MED23: variants seen among roughly 807,000 people sequenced by gnomAD.
MED23 encodes the protein mediator of RNA polymerase II transcription subunit 23.
A neutral mutation model predicts 163.9 loss-of-function variants in MED23; 105 were observed. The ratio of observed to expected loss-of-function variants is 0.64; its 90% CI spans 0.55 to 0.75. The LOEUF (loss-of-function observed/expected upper bound fraction) is 0.75. MED23 is among the 30% of genes least tolerant of loss of function. The probability of loss-of-function intolerance (pLI) is 0.00; values close to 1 mark genes in which losing one functional copy is unlikely to be tolerated. For synonymous variants in MED23, 561 were observed against 565.6 expected (o/e 0.99, Z 0.12); for missense variants, 1,054 against 1,649.0 (o/e 0.64, Z 6.25).
downstream of MED23, chr6:131,582,711 G>T (rs1773995607): frequency 6.2e-7 from 1 of 1,613,404 alleles, no homozygotes. Context: ...GGACCCTGGG[G>T]AACAGTAAGC....
chr6:131,606,090 T>A (rs901158534), intron 13 of MED23, among the ~76,000 whole-genome samples: 3 of 152,148 alleles, frequency 2.0e-5, no homozygotes, highest in African/African-American at 7.2e-5. Flanking sequence ...GCTCAATCAA[T>A]CCTGGCAGCC....
chr6:131,625,616 A>G (rs1395669723), intron 3 of MED23, among the ~76,000 whole-genome samples: 1 of 152,206 alleles, frequency 6.6e-6, no homozygotes, highest in Non-Finnish European at 1.5e-5. Context: ...ACATATAACA[A>G]TGATTTGGAA....
chr6:131,610,308 A>G (rs755307853), intron 10 of MED23, 62 bp from the exon 11 acceptor site: 8 of 1,486,754 alleles, frequency 5.4e-6, no homozygotes, highest in Middle Eastern at 1.8e-4. Context: ...AGAAGTTACC[A>G]GTTAATGGGC....
At chr6:131,623,279 A>G in intron 5 of MED23, 72 bp downstream of exon 5, 1 of 1,184,678 alleles carries the variant, frequency 8.4e-7, no homozygotes, top group Non-Finnish European at 1.3e-6. Flanking sequence ...CTCTCACCTG[A>G]AAATAAGACA....
chr6:131,610,464 C>T lies in MED23; in HGVS notation c.877-218G>A, dbSNP rs1235616910. ...AAATGTTTTCAGGTTTCCTACAAAA[C>T]AGACTTCCCATTAACTTTTGACTTC... On this transcript the variant is annotated intron_variant, in intron 10 of 28. Transcript: ENST00000368068. Among the ~76,000 whole-genome samples the T allele has an allele frequency of 2.0e-5, 3 of 152,194 alleles. No homozygotes were observed. In the East Asian group the frequency reaches 5.8e-4, roughly 29 times the overall value.
chr6:131,575,153 G>A (rs988871133), intron 30 of MED23, among the ~76,000 whole-genome samples: 1 of 152,176 alleles, frequency 6.6e-6, no homozygotes. Context: ...TTTAATGGCT[G>A]TGTTATAGCA....
At chr6:131,584,491 C>T (rs1170438600), downstream of MED23, among the ~76,000 whole-genome samples, 2 of 151,968 alleles carry the variant, frequency 1.3e-5, no homozygotes, top group Admixed American at 1.3e-4. Flanking sequence ...CAATCATCCC[C>T]AAAACACTGT....
chr6:131,599,512 T>C (rs911462427), intron 18 of MED23, among the ~76,000 whole-genome samples: 3 of 152,216 alleles, frequency 2.0e-5, no homozygotes, highest in Admixed American at 2.0e-4. Flanking sequence ...ATTTCAGTTC[T>C]ATGAGAGAGA....
intron 17 of MED23, among the ~76,000 whole-genome samples, chr6:131,600,683 C>T (rs996267975): frequency 6.6e-6 from 1 of 152,150 alleles, no homozygotes; most frequent in Non-Finnish European, 1.5e-5. Flanking sequence ...GGTCTGTAGA[C>T]CTCTTGGGGA....
Position 131,589,542 on chromosome 6 carries a change from A to C in MED23, c.3862T>G (p.Leu1288Val). 2 of 1,613,612 alleles carry C rather than the reference A, an allele frequency of 1.2e-6. No homozygotes were observed. The highest frequency in any genetic ancestry group is 2.2e-5 in the East Asian group (1 of 44,858). ...TCACAGATGGGATCCATGTAATTTA[A>C]ATGGGTGCTACACTGGTCAACATTC... ...LLNVDQCSTH[L>V]NYMDPICDFL... The change falls in exon 28 of 29, where the codon TTA (leucine) becomes GTA (valine). Residue 1288 changes from leucine (L) to valine (V), a missense_variant. By Grantham distance (32) the Leu-to-Val change is conservative. This residue lies in a region of MED23 where 362 missense variants were observed against 471.6 expected (regional missense o/e 0.77). Transcript: ENST00000368068.
intron 11 of MED23, among the ~76,000 whole-genome samples, chr6:131,609,506 C>CTTTT (rs71030751): frequency 3.0e-4 from 29 of 98,020 alleles, no homozygotes; most frequent in Non-Finnish European, 4.0e-4. Flanking sequence ...GAGACTATTC[C>CTTTT]TTTTTTTTTT....
rs1774633665 is a variant in MED23 at position 131,591,524 on chromosome 6, G to A, written c.3475C>T (p.Pro1159Ser). 1.2e-6 allele frequency: 2 copies of A among 1,610,832 alleles called. No homozygotes were observed. The highest frequency in any genetic ancestry group is 1.7e-6 in the Non-Finnish European group (2 of 1,177,858). The change falls in exon 26 of 29, where the codon CCA becomes TCA. Residue 1159 changes from proline (P) to serine (S), a missense_variant. Coordinates refer to ENST00000368068, the MANE Select transcript of MED23 (RefSeq NM_004830.4). ...IGLIITALPE[P>S]YWIVLHDRIV... ...CGATCATGAAGAACAATCCAATATG[G>A]CTCCTTTAAAATCGGAGGAAAGCTA... is the stretch of plus-strand genomic sequence containing the variant.
In MED23 at chr6:131,598,764, A is replaced by G. The variant is rs879255384; in HGVS notation, c.2221-3T>C. The G allele has an allele frequency of 6.2e-7, 1 of 1,612,958 alleles. No homozygotes were observed. The highest frequency in any genetic ancestry group is 8.5e-7 in the Non-Finnish European group (1 of 1,178,938). On this transcript the variant is annotated splice_region_variant and splice_polypyrimidine_tract_variant and intron_variant, in intron 18 of 28. Transcript: ENST00000368068. The surrounding 1 kb of genome is among the most constrained non-coding windows in gnomAD (Gnocchi z 4.7). ...ACATTATTTTGTTTGAAGAATGCCT[A>G]AAAAGAGGATTAGAAGTTTATTTCA...
At chr6:131,619,050 C>T (rs944788523) in intron 8 of MED23, among the ~76,000 whole-genome samples, 5 of 152,172 alleles carry the variant, frequency 3.3e-5, no homozygotes, top group African/African-American at 1.2e-4. Flanking sequence ...CAAATATCGT[C>T]ACTTGGATGT....
intron 10 of MED23, among the ~76,000 whole-genome samples, chr6:131,611,051 G>A (rs1776243991): frequency 6.6e-6 from 1 of 152,092 alleles, no homozygotes; most frequent in Non-Finnish European, 1.5e-5. Context: ...AATATGTTAA[G>A]CCATGTTTAA....
intron 30 of MED23, chr6:131,579,196 T>C (rs748414362): frequency 6.2e-7 from 1 of 1,614,136 alleles, no homozygotes; most frequent in South Asian, 1.1e-5. Flanking sequence ...ATCCAAGGTC[T>C]GTGGGAAAAG....
rs1211764471 is a variant in MED23 at position 131,579,255 on chromosome 6, G to T, written c.4096-4960C>A. On this transcript the variant is annotated intron_variant, in intron 30 of 30. Transcript: ENST00000354577. ...GTGGCAGAAGTCAAGAAGAACGGAA[G>T]AATCAGCCTGGTGCTGGGCGGAGAC... 2 of 1,613,998 alleles carry T rather than the reference G, an allele frequency of 1.2e-6. No homozygotes were observed. Among genetic ancestry groups the T allele is most frequent in the Non-Finnish European group, 1.7e-6 (2 of 1,180,014 alleles).
intron 10 of MED23, 23 bp from the exon 11 acceptor site, chr6:131,610,269 A>G (rs766280711): frequency 3.4e-5 from 55 of 1,610,648 alleles, no homozygotes; most frequent in African/African-American, 1.1e-4. Flanking sequence ...GATTAAATAC[A>G]GTATTCCAAA....
chr6:131,592,657 C>G, intron 24 of MED23, 197 bp from the exon 25 acceptor site: 1 of 616,046 alleles, frequency 1.6e-6, no homozygotes, highest in East Asian at 2.8e-5. Flanking sequence ...AAAAATACTT[C>G]CTCCCCAATC....
Sources: allele counts gnomAD v4.1 joint callset (sites outside exome capture counted in the v4.1 genomes callset), GRCh38; gene constraint gnomAD v4.1.1; regional missense constraint gnomAD v4.1.1; non-coding constraint Gnocchi (gnomAD v3.1); transcripts MANE v1.5; gene names NCBI Gene and HGNC (gene_info 2026-07-23, HGNC 2026-07-21).